CHCHD6: variants seen among roughly 807,000 people sequenced by gnomAD.
CHCHD6 encodes the protein coiled-coil-helix-coiled-coil-helix domain containing 6.
A neutral mutation model predicts 32.3 loss-of-function variants in CHCHD6; 28 were observed. The observed-to-expected ratio is 0.87, with a 90% CI of 0.64 to 1.19. The LOEUF (loss-of-function observed/expected upper bound fraction) is 1.19. Among genes scored for constraint, CHCHD6 ranks in the 50% most tolerant of loss-of-function variants. CHCHD6 has a pLI of 0.00. For missense variants in CHCHD6, 333 were observed against 307.0 expected (o/e 1.08, Z -0.63); for synonymous variants, 122 against 117.5 (o/e 1.04, Z -0.25).
At chr3:126,794,807 T>C (rs921686085) in intron 4 of CHCHD6, among the ~76,000 whole-genome samples, 3 of 152,216 alleles carry the variant, frequency 2.0e-5, no homozygotes, top group Non-Finnish European at 4.4e-5. Flanking sequence ...CTGATGTCCC[T>C]GCTACAGTGT....
chr3:126,816,861 C>G (rs761408893), intron 4 of CHCHD6, among the ~76,000 whole-genome samples: 13 of 152,204 alleles, frequency 8.5e-5, no homozygotes, highest in Middle Eastern at 3.4e-3. Flanking sequence ...ATCCCTCCCC[C>G]CTCTTCCCAC....
chr3:126,806,388 G>T (rs1169229352), intron 4 of CHCHD6, among the ~76,000 whole-genome samples: 1 of 151,826 alleles, frequency 6.6e-6, no homozygotes, highest in East Asian at 1.9e-4. Flanking sequence ...GTGGGCAAAG[G>T]ATATGAACAG....
intron 5 of CHCHD6, among the ~76,000 whole-genome samples, chr3:126,868,038 C>A (rs376603445): frequency 1.2e-4 from 18 of 152,350 alleles, no homozygotes; most frequent in East Asian, 9.6e-4. Flanking sequence ...TGCAGTCCAG[C>A]AGCATCATCT....
intron 4 of CHCHD6, among the ~76,000 whole-genome samples, chr3:126,818,494 A>AT (rs1940006412): frequency 6.6e-6 from 1 of 152,104 alleles, no homozygotes; most frequent in Non-Finnish European, 1.5e-5. Flanking sequence ...ATTAAAATTT[A>AT]TTTTTTAAGA....
chr3:126,945,504 AGGGGAGACTTGGGAGG>A (rs927229955), intron 6 of CHCHD6, among the ~76,000 whole-genome samples: 1 of 142,000 alleles, frequency 7.0e-6, no homozygotes, highest in African/African-American at 2.6e-5. Flanking sequence ...TGGGAGACTC[AGGGGAGACTTGGGAGG>A]GGGGAGACTT....
At chr3:126,744,162 T>C (rs1434725412) in intron 4 of CHCHD6, among the ~76,000 whole-genome samples, 1 of 152,216 alleles carries the variant, frequency 6.6e-6, no homozygotes, top group African/African-American at 2.4e-5. Context: ...GCTGGTGCCT[T>C]CCCACTTCTA....
chr3:126,744,878 G>A (rs962287304), intron 4 of CHCHD6, among the ~76,000 whole-genome samples: 1 of 152,196 alleles, frequency 6.6e-6, no homozygotes, highest in African/African-American at 2.4e-5. Context: ...AGTAGAGACA[G>A]GGTTTCACCA....
chr3:126,850,540 A>G (rs1022552255), intron 4 of CHCHD6, among the ~76,000 whole-genome samples: 1 of 152,118 alleles, frequency 6.6e-6, no homozygotes, highest in Non-Finnish European at 1.5e-5. Context: ...GGCCCAGAGG[A>G]GGCATCGCAG....
intron 4 of CHCHD6, among the ~76,000 whole-genome samples, chr3:126,803,626 A>G (rs1014730853): frequency 5.3e-5 from 8 of 152,222 alleles, no homozygotes; most frequent in Non-Finnish European, 1.5e-5. Flanking sequence ...GGAGACTTTA[A>G]CACCCCACTG....
At chr3:126,925,229 A>G (rs1467236246) in intron 6 of CHCHD6, among the ~76,000 whole-genome samples, 2 of 151,936 alleles carry the variant, frequency 1.3e-5, no homozygotes, top group Non-Finnish European at 2.9e-5. Flanking sequence ...CAGTAGACAG[A>G]TTGGAGAGGC....
chr3:126,833,468 T>C (rs1940722132), intron 4 of CHCHD6, among the ~76,000 whole-genome samples: 1 of 152,236 alleles, frequency 6.6e-6, no homozygotes, highest in Non-Finnish European at 1.5e-5. Context: ...GCAGCTTTGT[T>C]AGAATCATTC....
intron 4 of CHCHD6, among the ~76,000 whole-genome samples, chr3:126,811,287 C>T (rs979956452): frequency 6.6e-6 from 1 of 152,136 alleles, no homozygotes; most frequent in Non-Finnish European, 1.5e-5. Context: ...TGGACTGTGG[C>T]AAGTGTGGGT....
At chr3:126,864,461 ACCTCCTCCT>A (rs368125134) in intron 5 of CHCHD6, among the ~76,000 whole-genome samples, 6 of 112,492 alleles carry the variant, frequency 5.3e-5, no homozygotes, top group Middle Eastern at 6.6e-3. Flanking sequence ...TGCCACCACC[ACCTCCTCCT>A]CCTCCATCAC....
intron 1 of CHCHD6, 55 bp downstream of exon 1, chr3:126,704,454 A>T (rs1934373105): frequency 6.0e-6 from 7 of 1,167,210 alleles, no homozygotes; most frequent in Middle Eastern, 3.0e-4. Context: ...CGCGGGGGGG[A>T]GGTGCGGGGC....
intron 4 of CHCHD6, among the ~76,000 whole-genome samples, chr3:126,824,560 C>CAAAAAAAAAAAAAAAAAAAAAAAAAAAA (rs71150454): frequency 2.3e-4 from 9 of 39,996 alleles, no homozygotes; most frequent in Non-Finnish European, 3.1e-4. Context: ...GACTCTGTCT[C>CAAAAAAAAAAAAAAAAAAAAAAAAAAAA]AAAAAAAAAA....
intron 5 of CHCHD6, among the ~76,000 whole-genome samples, chr3:126,913,046 A>C (rs1231152184): frequency 6.6e-6 from 1 of 152,068 alleles, no homozygotes; most frequent in Admixed American, 6.6e-5. Flanking sequence ...GCCAAGTTGA[A>C]GTCCTACAAA....
At chr3:126,856,374 G>A (rs1202508024) in intron 5 of CHCHD6, among the ~76,000 whole-genome samples, 3 of 152,150 alleles carry the variant, frequency 2.0e-5, no homozygotes, top group Non-Finnish European at 2.9e-5. Context: ...TCTCTGGGTT[G>A]GCCATTCCCA....
intron 6 of CHCHD6, chr3:126,953,090 C>A (rs2078737978): frequency 7.1e-6 from 7 of 985,458 alleles, no homozygotes; most frequent in Non-Finnish European, 7.2e-6. Flanking sequence ...CATTCTCCTG[C>A]CATCCTCTCA....
intron 6 of CHCHD6, among the ~76,000 whole-genome samples, chr3:126,921,763 C>A (rs922680669): frequency 6.6e-6 from 1 of 152,204 alleles, no homozygotes; most frequent in African/African-American, 2.4e-5. Context: ...GTGCTTTCAC[C>A]TGCACTTGGA....
Sources: allele counts gnomAD v4.1 joint callset (sites outside exome capture counted in the v4.1 genomes callset), GRCh38; gene constraint gnomAD v4.1.1; transcripts MANE v1.5; gene names NCBI Gene and HGNC (gene_info 2026-07-23, HGNC 2026-07-21).